Variants in EPHA4 observed in about 807,000 individuals in gnomAD.
EPHA4 encodes EPH receptor A4.
Under a neutral mutation model 108.3 loss-of-function variants are expected in EPHA4, and 19 were observed. The observed-to-expected ratio is 0.18, with a 90% CI of 0.12 to 0.26. The LOEUF (loss-of-function observed/expected upper bound fraction) is 0.26. Among genes scored for constraint, EPHA4 ranks in the 10% least tolerant of loss-of-function variants. The pLI is 1.00. For synonymous variants in EPHA4, 449 were observed against 455.5 expected (o/e 0.99, Z 0.18); for missense variants, 917 against 1,254.0 (o/e 0.73, Z 4.06).
At chr2:221,444,023 A>T (rs564025377) in intron 9 of EPHA4, among the ~76,000 whole-genome samples, 1 of 152,352 alleles carries the variant, frequency 6.6e-6, no homozygotes, top group South Asian at 2.1e-4. Context: ...CTCTTTCCAC[A>T]TGGTGTCACA....
chr2:221,447,756 C>G (rs1489398423), intron 8 of EPHA4, among the ~76,000 whole-genome samples: 1 of 152,152 alleles, frequency 6.6e-6, no homozygotes, highest in African/African-American at 2.4e-5. Context: ...CTGTGAAGTA[C>G]AGTATTTCAG....
chr2:221,532,442 A>G (rs1384594877), intron 3 of EPHA4, among the ~76,000 whole-genome samples: 1 of 152,156 alleles, frequency 6.6e-6, no homozygotes, highest in South Asian at 2.1e-4. Context: ...AATTTATTCT[A>G]TCAAAAGATG....
intron 3 of EPHA4, among the ~76,000 whole-genome samples, chr2:221,551,397 G>C (rs1014953684): frequency 6.6e-5 from 10 of 152,230 alleles, no homozygotes; most frequent in African/African-American, 2.2e-4. Context: ...CCTTTTTGGG[G>C]AGGGGTTCTT....
chr2:221,547,764 A>G (rs1289893254), intron 3 of EPHA4, among the ~76,000 whole-genome samples: 1 of 152,154 alleles, frequency 6.6e-6, no homozygotes, highest in Non-Finnish European at 1.5e-5. Context: ...GAGCCAGTCT[A>G]TCTGGGTTCA....
At chr2:221,474,261 G>A (rs1412569873) in intron 5 of EPHA4, among the ~76,000 whole-genome samples, 7 of 152,020 alleles carry the variant, frequency 4.6e-5, no homozygotes, top group Non-Finnish European at 2.9e-5. Context: ...ACAGACACTG[G>A]TGCCACACAC....
intron 3 of EPHA4, among the ~76,000 whole-genome samples, chr2:221,507,198 C>T (rs75269998): frequency 1.2e-4 from 18 of 152,052 alleles, no homozygotes; most frequent in Admixed American, 5.9e-4. Context: ...CTCCATGGTT[C>T]GTCTGTTACT....
chr2:221,433,500 AT>A (rs770050839), intron 14 of EPHA4, among the ~76,000 whole-genome samples: 2 of 151,028 alleles, frequency 1.3e-5, no homozygotes, highest in African/African-American at 4.9e-5. Context: ...GCTTTCTTTT[AT>A]TTTTTTTTCT....
chr2:221,439,926 C>G (rs931251353), intron 11 of EPHA4, among the ~76,000 whole-genome samples: 1 of 152,218 alleles, frequency 6.6e-6, no homozygotes, highest in Non-Finnish European at 1.5e-5. Flanking sequence ...TTCCACTCTA[C>G]CCTTTCACCC....
chr2:221,465,785 A>T (rs1246648017), intron 5 of EPHA4, among the ~76,000 whole-genome samples: 1 of 152,222 alleles, frequency 6.6e-6, no homozygotes, highest in Non-Finnish European at 1.5e-5. Flanking sequence ...ACTGGATGCG[A>T]TTTCAGCAAG....
chr2:221,472,859 CAG>C (rs1411490808), intron 5 of EPHA4, among the ~76,000 whole-genome samples: 1 of 152,108 alleles, frequency 6.6e-6, no homozygotes, highest in Non-Finnish European at 1.5e-5. Flanking sequence ...AAAAGATGGT[CAG>C]AGGAGAACCA....
At chr2:221,542,251 C>A (rs990226758) in intron 3 of EPHA4, among the ~76,000 whole-genome samples, 12 of 152,110 alleles carry the variant, frequency 7.9e-5, no homozygotes, top group African/African-American at 2.9e-4. Context: ...GAAGAAGGTG[C>A]AAAACTTAAC....
intron 8 of EPHA4, among the ~76,000 whole-genome samples, chr2:221,449,726 G>A (rs1413550886): frequency 3.9e-5 from 6 of 152,228 alleles, no homozygotes; most frequent in Admixed American, 3.9e-4. Context: ...GAGCAAGGCA[G>A]GGGCCCAGCA....
intron 2 of EPHA4, among the ~76,000 whole-genome samples, chr2:221,567,082 T>C (rs1372601899): frequency 6.6e-6 from 1 of 152,066 alleles, no homozygotes; most frequent in East Asian, 1.9e-4. Flanking sequence ...GACTGTACCC[T>C]AAAATGTGTC....
At chr2:221,533,557 C>G (rs1462583065) in intron 3 of EPHA4, among the ~76,000 whole-genome samples, 2 of 151,930 alleles carry the variant, frequency 1.3e-5, no homozygotes, top group African/African-American at 4.8e-5. Context: ...TGTGTGACTC[C>G]TAAAGTCAAT....
Position 221,564,129 on chromosome 2 carries a change from A to G in EPHA4, c.425T>C (p.Phe142Ser). 6.2e-7 allele frequency: 1 copy of G among 1,614,164 alleles called. No homozygotes were observed. The highest frequency in any genetic ancestry group is 8.5e-7 in the Non-Finnish European group (1 of 1,180,008). Residue 142 changes from phenylalanine (F) to serine (S), a missense_variant, in exon 3 of 18, where the codon TTT becomes TCT. By Grantham distance (155) the Phe-to-Ser change is radical. Coordinates refer to ENST00000281821, the MANE Select transcript of EPHA4 (RefSeq NM_004438.5). ...AGCAGCAATGGTGTCAATTTTGACA[A>G]ACTGGTTCTCTCTGATGAAACGCTC... is the stretch of plus-strand genomic sequence containing the variant. ...DKERFIRENQ[F>S]VKIDTIAADE...
intron 13 of EPHA4, among the ~76,000 whole-genome samples, 173 bp from the exon 14 acceptor site, chr2:221,434,464 C>T (rs1232458730): frequency 6.6e-6 from 1 of 152,066 alleles, no homozygotes; most frequent in Non-Finnish European, 1.5e-5. Context: ...ACACAGTTCT[C>T]TTATGTTTTC....
At chr2:221,429,894 C>A in intron 15 of EPHA4, 64 bp downstream of exon 15, 1 of 1,566,930 alleles carries the variant, frequency 6.4e-7, no homozygotes, top group Non-Finnish European at 8.7e-7. Context: ...TTAAGTGAGT[C>A]ACCACTTGCC....
At chr2:221,450,446 G>A (rs1690744202) in intron 8 of EPHA4, among the ~76,000 whole-genome samples, 1 of 152,182 alleles carries the variant, frequency 6.6e-6, no homozygotes, top group Non-Finnish European at 1.5e-5. Context: ...ATCACTAGCA[G>A]AGTCTTGAAG....
chr2:221,424,187 T>C (rs1689832164), intron 17 of EPHA4, among the ~76,000 whole-genome samples: 1 of 151,726 alleles, frequency 6.6e-6, no homozygotes, highest in African/African-American at 2.4e-5. Context: ...AAGTCCTACA[T>C]TTGTCAGCTT....
Sources: gnomAD v4.1 joint callset for allele counts (sites outside exome capture counted in the v4.1 genomes callset) on GRCh38, gnomAD v4.1.1 for gene constraint, MANE v1.5 for transcripts, NCBI Gene and HGNC (gene_info 2026-07-23, HGNC 2026-07-21) for gene names.